Variants in VAV2 observed in about 807,000 individuals in gnomAD.
The protein encoded by VAV2 is guanine nucleotide exchange factor VAV2.
Under a neutral mutation model 132.5 loss-of-function variants are expected in VAV2, and 67 were observed. The observed-to-expected ratio is 0.51, with a 90% CI of 0.42 to 0.62. The LOEUF (loss-of-function observed/expected upper bound fraction) is 0.62, where lower values mean the gene tolerates loss of function less well. VAV2 is among the 20% of genes least tolerant of loss of function. The probability of loss-of-function intolerance (pLI) is 0.00; values close to 1 mark genes in which losing one functional copy is unlikely to be tolerated. For missense variants in VAV2, 938 were observed against 1,153.6 expected, an observed-to-expected ratio of 0.81 and a Z score of 2.71; for synonymous variants, 492 against 443.5, an observed-to-expected ratio of 1.11 and a Z score of -1.37.
chr9:133,820,969 G>A (rs1421406108), intron 4 of VAV2, among the ~76,000 whole-genome samples: 2 of 152,192 alleles, frequency 1.3e-5, no homozygotes, highest in African/African-American at 2.4e-5. Flanking sequence ...GGCCCTCCAC[G>A]CAATCCCACA....
intron 1 of VAV2, among the ~76,000 whole-genome samples, chr9:133,943,794 GGCA>G (rs1189727138): frequency 6.6e-6 from 1 of 152,224 alleles, no homozygotes; most frequent in Non-Finnish European, 1.5e-5. Flanking sequence ...TGCAATGAGA[GGCA>G]GCGTGTAGTG....
Position 133,768,394 on chromosome 9 carries a change from G to T in VAV2, c.2589+48C>A. On this transcript the variant is annotated intron_variant, in intron 29 of 29. Transcript: ENST00000371850. This position sits in a 1 kb window ranked among gnomAD's most constrained non-coding sequence, Gnocchi z 5.3. The stretch of plus-strand genomic sequence containing the variant: ...TAGTCTGCCTGAGCCCGACCAGGTA[G>T]GGGCTGCAGCGAGGCCAGCCCCACA... 1 of 1,594,602 alleles carries T rather than the reference G, an allele frequency of 6.3e-7. No individual in the cohort carries two copies. Among genetic ancestry groups the T allele is most frequent in the Non-Finnish European group, 8.5e-7 (1 of 1,173,132 alleles).
chr9:133,890,836 G>A (rs772352329), intron 2 of VAV2, among the ~76,000 whole-genome samples: 9 of 152,150 alleles, frequency 5.9e-5, no homozygotes, highest in African/African-American at 1.7e-4. Flanking sequence ...TATTCAGCAC[G>A]CCTGAGCTGC....
chr9:133,818,659 A>G (rs7029322), intron 4 of VAV2, among the ~76,000 whole-genome samples: 35,368 of 152,018 alleles, frequency 0.23, 5,329 homozygotes, highest in African/African-American at 0.42. Flanking sequence ...CCATAATTGC[A>G]TAAGCCAATT....
At chr9:133,911,936 T>C (rs1037398996) in intron 2 of VAV2, among the ~76,000 whole-genome samples, 4 of 152,210 alleles carry the variant, frequency 2.6e-5, no homozygotes, top group African/African-American at 9.7e-5. Context: ...TTTTTTTTAT[T>C]TCCAACTTTT....
intron 1 of VAV2, among the ~76,000 whole-genome samples, chr9:133,978,465 C>A (rs1314280127): frequency 6.6e-6 from 1 of 152,266 alleles, no homozygotes; most frequent in Non-Finnish European, 1.5e-5. Context: ...GGCCACAGCC[C>A]GCAAGCACCT....
intron 21 of VAV2, 90 bp from the exon 22 acceptor site, chr9:133,778,979 C>A: frequency 6.5e-7 from 1 of 1,542,838 alleles, no homozygotes; most frequent in South Asian, 1.2e-5. Context: ...CATCACCAAG[C>A]TCGGCCTCCC....
chr9:133,811,621 T>C (rs947430767), intron 5 of VAV2, among the ~76,000 whole-genome samples: 2 of 152,206 alleles, frequency 1.3e-5, no homozygotes, highest in African/African-American at 4.8e-5. Flanking sequence ...CAGTGCCTGC[T>C]TGGAAATAAA....
At chr9:133,816,628 G>T (rs1285801144) in intron 4 of VAV2, among the ~76,000 whole-genome samples, 4 of 152,206 alleles carry the variant, frequency 2.6e-5, no homozygotes, top group Non-Finnish European at 5.9e-5. Context: ...AGCTACTAAG[G>T]AGGCTGAGGA....
At chr9:133,815,368 C>A (rs913522263) in intron 4 of VAV2, among the ~76,000 whole-genome samples, 1 of 152,016 alleles carries the variant, frequency 6.6e-6, no homozygotes, top group Admixed American at 6.6e-5. Context: ...CTTAGTGGTA[C>A]CTTTCTGACA....
chr9:133,957,620 C>T (rs1179499523), intron 1 of VAV2, among the ~76,000 whole-genome samples: 1 of 152,070 alleles, frequency 6.6e-6, no homozygotes, highest in East Asian at 1.9e-4. Flanking sequence ...TCCCCGTGGG[C>T]AGAGCAGGAA....
chr9:133,781,492 G>T (rs191121813), intron 19 of VAV2, among the ~76,000 whole-genome samples: 1,792 of 143,264 alleles, frequency 0.013, 11 homozygotes, highest in Middle Eastern at 0.024. Context: ...GGTCAGGGGT[G>T]GGGGGCAGCT....
chr9:133,780,002 A>C, intron 20 of VAV2, 63 bp from the exon 21 acceptor site: 1 of 1,603,698 alleles, frequency 6.2e-7, no homozygotes, highest in Non-Finnish European at 8.5e-7. Flanking sequence ...TGGCCCATGC[A>C]TCAACGCACC....
At chr9:133,777,533 A>T in intron 22 of VAV2, 70 bp from the exon 23 acceptor site, 1 of 1,474,454 alleles carries the variant, frequency 6.8e-7, no homozygotes, top group Non-Finnish European at 9.4e-7. Flanking sequence ...GGCCATTTAG[A>T]CGGACTCAGC....
At chr9:133,872,294 G>C (rs1838087161) in intron 2 of VAV2, among the ~76,000 whole-genome samples, 1 of 152,364 alleles carries the variant, frequency 6.6e-6, no homozygotes, top group Non-Finnish European at 1.5e-5. Flanking sequence ...CTCCCTGCAT[G>C]CTCGGCTCCC....
At chr9:133,777,527 A>G in intron 22 of VAV2, 64 bp from the exon 23 acceptor site, 1 of 1,500,518 alleles carries the variant, frequency 6.7e-7, no homozygotes, top group Non-Finnish European at 9.2e-7. Flanking sequence ...GTGTGGGGCC[A>G]TTTAGACGGA....
In VAV2 at chr9:133,840,857, T is replaced by C. The variant is rs1227605689; in HGVS notation, c.381-6517A>G. ...AGGGCACCACCTGTGCCACTCACTG[T>C]GCCTACAGCTGCATGGTGGCCCCAC... On this transcript the variant is annotated intron_variant, in intron 3 of 29. Coordinates refer to ENST00000371850, the MANE Select transcript of VAV2 (RefSeq NM_001134398.2). This position sits in a 1 kb window ranked among gnomAD's most constrained non-coding sequence, Gnocchi z 4.5. 6.6e-6 allele frequency among the ~76,000 whole-genome samples: 1 copy of C among 152,156 alleles called. No individual in the cohort carries two copies. Among genetic ancestry groups the C allele is most frequent in the Non-Finnish European group, 1.5e-5 (1 of 68,020 alleles).
chr9:133,831,163 C>T (rs759699944), intron 4 of VAV2, among the ~76,000 whole-genome samples: 11 of 152,026 alleles, frequency 7.2e-5, no homozygotes, highest in Non-Finnish European at 1.3e-4. Flanking sequence ...TGGCCGGGCA[C>T]GGTGGCTCAC....
chr9:133,855,945 C>T (rs2131851960), intron 3 of VAV2, among the ~76,000 whole-genome samples: 1 of 152,340 alleles, frequency 6.6e-6, no homozygotes, highest in Admixed American at 6.5e-5. Flanking sequence ...AAAATATGGC[C>T]TAGCCACACA....
Sources: allele counts gnomAD v4.1 joint callset (sites outside exome capture counted in the v4.1 genomes callset), GRCh38; gene constraint gnomAD v4.1.1; non-coding constraint Gnocchi (gnomAD v3.1); transcripts MANE v1.5; gene names NCBI Gene and HGNC (gene_info 2026-07-23, HGNC 2026-07-21).